Variants in NT5C2 observed in about 807,000 individuals in gnomAD.
The protein encoded by NT5C2 is cytosolic purine 5'-nucleotidase.
A neutral mutation model predicts 76.1 loss-of-function variants in NT5C2; 58 were observed. The observed-to-expected ratio is 0.76, with a 90% CI of 0.62 to 0.95. The LOEUF (loss-of-function observed/expected upper bound fraction) is 0.95, where lower values mean the gene tolerates loss of function less well. Among genes scored for constraint, NT5C2 ranks in the 40% least tolerant of loss-of-function variants. NT5C2 has a pLI of 0.00. For synonymous variants in NT5C2, 229 were observed against 237.4 expected (o/e 0.96, Z 0.32); for missense variants, 478 against 690.3 (o/e 0.69, Z 3.45).
intron 4 of NT5C2, among the ~76,000 whole-genome samples, chr10:103,132,532 T>C (rs1049900749): frequency 1.3e-5 from 2 of 152,148 alleles, no homozygotes; most frequent in Non-Finnish European, 2.9e-5. Context: ...GTAGCTCTTC[T>C]GTAGGTCTAA....
intron 4 of NT5C2, among the ~76,000 whole-genome samples, chr10:103,128,760 C>T (rs2077234471): frequency 2.0e-5 from 1 of 49,692 alleles, no homozygotes. Flanking sequence ...CGGCCGAGAC[C>T]CCGTCTGGGA....
Position 103,088,285 on chromosome 10 carries a change from G to GAAAC in NT5C2, c.*1383_*1386dup, listed in dbSNP as rs1332447078. The GAAAC allele has an allele frequency of 6.6e-6, 1 of 152,196 alleles. No individual in the cohort carries two copies. Among genetic ancestry groups the GAAAC allele is most frequent in the East Asian group, 1.9e-4 (1 of 5,196 alleles). The allele number at this position is 152,196 out of a possible 1,614,324, so 9.4% of individuals were successfully genotyped here. ...ATAACCACTGTTTGTTTAAAATGTTGAAACAACTTTCACTGTACTGGTGAA... is the reference window on the plus strand; with the variant it reads ...ATAACCACTGTTTGTTTAAAATGTTGAAACAAACAACTTTCACTGTACTGGTGAA... On this transcript the variant is annotated 3_prime_UTR_variant, in exon 19 of 19. Coordinates refer to ENST00000404739, the MANE Select transcript of NT5C2 (RefSeq NM_001351169.2).
At position 103,093,172 on chromosome 10, in the gene NT5C2, C is replaced by A; in HGVS notation, c.1126G>T (p.Ala376Ser). 1 of 1,609,026 alleles carries A rather than the reference C, an allele frequency of 6.2e-7. No individual in the cohort carries two copies. ...WRTFLVIPELAQELHVWTDKS... is the reference protein window; with the variant it reads ...WRTFLVIPELSQELHVWTDKS... ...TCAGTCCAGACATGTAGCTCCTGTG[C>A]GAGTTCAGGAATCACCAAAAAAGTT... Residue 376 changes from alanine to serine, a missense_variant, in exon 15 of 19, where the codon GCA becomes TCA. By Grantham distance (99) the Ala-to-Ser change is moderately conservative (BLOSUM62 1). Coordinates refer to ENST00000404739, the MANE Select transcript of NT5C2 (RefSeq NM_001351169.2).
chr10:103,093,659 TG>T, intron 14 of NT5C2: 1 of 392,538 alleles, frequency 2.5e-6, no homozygotes, highest in Admixed American at 4.0e-5. Flanking sequence ...CCTATACCCA[TG>T]GAACTCCTTG....
At chr10:103,185,859 T>C (rs1356275901) in intron 1 of NT5C2, among the ~76,000 whole-genome samples, 1 of 152,244 alleles carries the variant, frequency 6.6e-6, no homozygotes, top group East Asian at 1.9e-4. Flanking sequence ...ATATATAAAT[T>C]CATACTTAAG....
intron 3 of NT5C2, among the ~76,000 whole-genome samples, chr10:103,145,049 G>T (rs1292746862): frequency 6.6e-6 from 1 of 152,056 alleles, no homozygotes; most frequent in African/African-American, 2.4e-5. Flanking sequence ...GAGGGGAGGC[G>T]CAGTGTGGAA....
chr10:103,121,083 A>G (rs2075563169), intron 4 of NT5C2, among the ~76,000 whole-genome samples: 1 of 152,242 alleles, frequency 6.6e-6, no homozygotes, highest in Non-Finnish European at 1.5e-5. Context: ...AGACAAATTC[A>G]TAGAGACAAA....
chr10:103,143,323 G>T (rs908785536), intron 3 of NT5C2, among the ~76,000 whole-genome samples: 2 of 152,070 alleles, frequency 1.3e-5, no homozygotes, highest in African/African-American at 4.8e-5. Context: ...AAGAGTAACT[G>T]CATCAAGGGA....
intron 4 of NT5C2, among the ~76,000 whole-genome samples, chr10:103,137,039 A>C (rs1342531992): frequency 2.6e-5 from 4 of 152,234 alleles, no homozygotes; most frequent in African/African-American, 9.6e-5. Flanking sequence ...GATTCTCAAT[A>C]AATACTTACT....
chr10:103,166,104 T>C (rs2086315844), intron 3 of NT5C2, among the ~76,000 whole-genome samples: 1 of 152,274 alleles, frequency 6.6e-6, no homozygotes, highest in Non-Finnish European at 1.5e-5. Context: ...TCTTGTGCCA[T>C]ATAGAAAAAT....
intron 3 of NT5C2, among the ~76,000 whole-genome samples, chr10:103,167,714 C>CTCAA (rs958833084): frequency 6.6e-6 from 1 of 152,070 alleles, no homozygotes; most frequent in Admixed American, 6.5e-5. Context: ...TCACTGCAGC[C>CTCAA]TTGACCTCCC....
intron 15 of NT5C2, among the ~76,000 whole-genome samples, chr10:103,092,241 A>G (rs1018434718): frequency 6.6e-6 from 1 of 152,216 alleles, no homozygotes; most frequent in Non-Finnish European, 1.5e-5. Flanking sequence ...CATCTTTAGG[A>G]GAATTGAGAA....
chr10:103,128,120 T>A (rs1038230336), intron 4 of NT5C2, among the ~76,000 whole-genome samples: 2 of 144,730 alleles, frequency 1.4e-5, no homozygotes, highest in African/African-American at 5.0e-5. Flanking sequence ...CTCCCTCTCA[T>A]GCGGAGCCGA....
At chr10:103,141,648 C>T (rs964412742) in intron 3 of NT5C2, among the ~76,000 whole-genome samples, 4 of 152,004 alleles carry the variant, frequency 2.6e-5, no homozygotes, top group Non-Finnish European at 5.9e-5. Flanking sequence ...AATAAGATTA[C>T]TTTTGGGATT....
chr10:103,106,949 T>C (rs1208118353), intron 4 of NT5C2, among the ~76,000 whole-genome samples: 1 of 152,182 alleles, frequency 6.6e-6, no homozygotes, highest in Non-Finnish European at 1.5e-5. Context: ...TATCAAATTA[T>C]TCAGTATAGT....
rs1032876453 is a variant in NT5C2 at position 103,183,289 on chromosome 10, A to C, written c.-168-1961T>G. Among the ~76,000 whole-genome samples, 27 of 115,276 alleles carry C rather than the reference A, an allele frequency of 2.3e-4. 3 individuals carry two copies. The highest frequency in any genetic ancestry group is 4.4e-3 in the Middle Eastern group (1 of 228). 75.6% of individuals were successfully genotyped at this position (115,276 alleles called of 152,430 possible). ...TATATATATATATATATATATATAT[A>C]TATATCACACACTCCTTCCCTCCCC... On this transcript the variant is annotated intron_variant, in intron 1 of 18. Coordinates refer to ENST00000404739, the MANE Select transcript of NT5C2 (RefSeq NM_001351169.2).
At chr10:103,156,909 T>G (rs2083527888) in intron 3 of NT5C2, among the ~76,000 whole-genome samples, 1 of 150,892 alleles carries the variant, frequency 6.6e-6, no homozygotes, top group Non-Finnish European at 1.5e-5. Context: ...TACAAAAACT[T>G]AACCACGCGT....
At chr10:103,189,970 G>A (rs112739976) in intron 1 of NT5C2, among the ~76,000 whole-genome samples, 2,117 of 149,272 alleles carry the variant, frequency 0.014, 53 homozygotes, top group African/African-American at 0.048. Flanking sequence ...GCACCTGGCC[G>A]GTTTGCCGCA....
intron 4 of NT5C2, among the ~76,000 whole-genome samples, chr10:103,138,462 G>A (rs1591362364): frequency 6.6e-6 from 1 of 152,062 alleles, no homozygotes. Context: ...CTCAGTGTGT[G>A]ATGTTCCCCC....
Sources: allele counts gnomAD v4.1 joint callset (sites outside exome capture counted in the v4.1 genomes callset), GRCh38; gene constraint gnomAD v4.1.1; transcripts MANE v1.5; gene names NCBI Gene and HGNC (gene_info 2026-07-23, HGNC 2026-07-21).